TMEM209: variants seen among roughly 807,000 people sequenced by gnomAD.
The protein encoded by TMEM209 is transmembrane protein 209.
TMEM209 carries 65 observed loss-of-function variants against 76.2 expected under a neutral mutation model. The observed-to-expected ratio is 0.85, with a 90% CI of 0.70 to 1.05. TMEM209 has a LOEUF of 1.05. TMEM209 is among the 50% of genes least tolerant of loss of function. The pLI is 0.00. For synonymous variants in TMEM209, 239 were observed against 237.6 expected (o/e 1.01, Z -0.06); for missense variants, 623 against 685.5 (o/e 0.91, Z 1.02).
intron 10 of TMEM209, among the ~76,000 whole-genome samples, chr7:130,176,323 G>A (rs1403412010): frequency 5.3e-5 from 8 of 150,326 alleles, no homozygotes; most frequent in East Asian, 2.0e-4. Context: ...GGGTTTCACC[G>A]TGTTAGCCAG....
At chr7:130,168,599 A>G (rs1796951825) in intron 14 of TMEM209, among the ~76,000 whole-genome samples, 1 of 152,246 alleles carries the variant, frequency 6.6e-6, no homozygotes, top group Non-Finnish European at 1.5e-5. Flanking sequence ...GAGAATGTCC[A>G]AGATATGCCA....
chr7:130,180,528 T>C (rs2697011), intron 9 of TMEM209, among the ~76,000 whole-genome samples: 151,415 of 152,210 alleles, frequency 0.99, 75,315 homozygotes, highest in Middle Eastern at 1. Context: ...GCCACCATGC[T>C]CGGTTAATTT....
In TMEM209 at chr7:130,174,518, C is replaced by A. The variant is rs572292483; in HGVS notation, c.1345-579G>T. ...ATTCTTAGTTTTTTGCTAAGTGGAT[C>A]ATTCATACCAACACAGTTAATAGCA... On this transcript the variant is annotated intron_variant, in intron 11 of 14. Transcript: ENST00000397622. Among the ~76,000 whole-genome samples, 3 of 152,186 alleles carry A rather than the reference C, an allele frequency of 2.0e-5. No homozygotes were observed. In the East Asian group the frequency reaches 5.8e-4, roughly 29 times the overall value.
At chr7:130,168,262 T>A (rs914100299) in intron 14 of TMEM209, among the ~76,000 whole-genome samples, 5 of 152,204 alleles carry the variant, frequency 3.3e-5, no homozygotes, top group South Asian at 4.1e-4. Context: ...GTTAAGCACC[T>A]ATAATCTGAA....
chr7:130,204,508 AT>A (rs1798356253), intron 1 of TMEM209, among the ~76,000 whole-genome samples: 1 of 151,942 alleles, frequency 6.6e-6, no homozygotes. Context: ...CGTCCGACTG[AT>A]TTTTGTATTT....
chr7:130,192,180 T>C (rs964508328), intron 6 of TMEM209: 2 of 170,792 alleles, frequency 1.2e-5, no homozygotes, highest in Admixed American at 1.1e-4. Context: ...TTTCAGGAAA[T>C]ACTAAAACGC....
At chr7:130,173,455 T>A (rs918133070) in intron 13 of TMEM209, among the ~76,000 whole-genome samples, 177 bp downstream of exon 13, 1 of 152,244 alleles carries the variant, frequency 6.6e-6, no homozygotes, top group South Asian at 2.1e-4. Context: ...TTTTTCTTTA[T>A]ACTTTCCCCA....
intron 11 of TMEM209, 142 bp from the exon 12 acceptor site, chr7:130,174,081 A>G (rs1313890875): frequency 1.7e-6 from 1 of 586,270 alleles, no homozygotes. Flanking sequence ...ATGCTGTCAA[A>G]TGGTTAGATT....
chr7:130,205,268 C>G, intron 1 of TMEM209, 105 bp downstream of exon 1: 1 of 1,611,284 alleles, frequency 6.2e-7, no homozygotes, highest in African/African-American at 1.3e-5. Context: ...GAACGCCTAG[C>G]CACATCCCCC....
intron 3 of TMEM209, 100 bp from the exon 4 acceptor site, chr7:130,202,763 A>G (rs910987839): frequency 3.1e-6 from 4 of 1,288,124 alleles, no homozygotes; most frequent in African/African-American, 1.5e-5. Context: ...TTACCTTCTT[A>G]TTCCTCATAA....
chr7:130,170,614 G>GCGTAGGTACTTTGTT, intron 13 of TMEM209, 141 bp from the exon 14 acceptor site: 3 of 684,336 alleles, frequency 4.4e-6, no homozygotes, highest in Non-Finnish European at 7.2e-6. Context: ...ATTAAACAAA[G>GCGTAGGTACTTTGTT]TACCTACGCT....
Position 130,166,524 on chromosome 7 carries a change from T to G in TMEM209, c.1632-19A>C. ...AACTCTCCTATAAAGAGAAAAAAAA[T>G]TTTTATTAGAATTGGTTGCCAAGCA... is the stretch of plus-strand genomic sequence containing the variant. On this transcript the variant is annotated intron_variant, in intron 14 of 14. Transcript: ENST00000397622. 1 of 1,480,562 alleles carries G rather than the reference T, an allele frequency of 6.8e-7. No individual in the cohort carries two copies. Among genetic ancestry groups the G allele is most frequent in the Non-Finnish European group, 9.0e-7 (1 of 1,114,410 alleles). The allele number at this position is 1,480,562 out of a possible 1,614,324, so 91.7% of individuals were successfully genotyped here. A position where few individuals can be genotyped will look rare whatever the true frequency, so the allele number is the denominator to read the frequency against.
At chr7:130,181,386 T>C (rs184969678) in intron 9 of TMEM209, among the ~76,000 whole-genome samples, 36 of 152,342 alleles carry the variant, frequency 2.4e-4, no homozygotes, top group Admixed American at 5.2e-4. Flanking sequence ...AAACTGACTA[T>C]GGTGATGGTT....
At chr7:130,198,016 T>C (rs140660257) in intron 5 of TMEM209, among the ~76,000 whole-genome samples, 1 of 152,348 alleles carries the variant, frequency 6.6e-6, no homozygotes, top group African/African-American at 2.4e-5. Context: ...TATACAGCCA[T>C]CACAATCAAT....
At chr7:130,174,700 C>T (rs1443745716) in intron 11 of TMEM209, among the ~76,000 whole-genome samples, 1 of 152,164 alleles carries the variant, frequency 6.6e-6, no homozygotes, top group Non-Finnish European at 1.5e-5. Flanking sequence ...AAATGTAATT[C>T]TAGGAGTCTC....
At chr7:130,167,747 C>G (rs2116964600) in intron 14 of TMEM209, among the ~76,000 whole-genome samples, 1 of 152,136 alleles carries the variant, frequency 6.6e-6, no homozygotes, top group Middle Eastern at 3.4e-3. Context: ...TGCACAAATA[C>G]CTGACATTAA....
At chr7:130,171,325 A>T (rs1797060003) in intron 13 of TMEM209, among the ~76,000 whole-genome samples, 1 of 152,246 alleles carries the variant, frequency 6.6e-6, no homozygotes, top group African/African-American at 2.4e-5. Flanking sequence ...TAGCTCTAAA[A>T]TCAAACTATT....
intron 7 of TMEM209, among the ~76,000 whole-genome samples, chr7:130,184,649 T>C (rs541752551): frequency 3.3e-5 from 5 of 152,270 alleles, no homozygotes; most frequent in Non-Finnish European, 5.9e-5. Context: ...CACGCCACCA[T>C]GCTGGGCTAA....
chr7:130,174,811 A>G (rs538860510), intron 11 of TMEM209, among the ~76,000 whole-genome samples: 32 of 152,314 alleles, frequency 2.1e-4, no homozygotes, highest in Middle Eastern at 6.8e-3. Context: ...CTTCTCCACC[A>G]CAAGTGTCTC....
Sources: gnomAD v4.1 joint callset for allele counts (sites outside exome capture counted in the v4.1 genomes callset) on GRCh38, gnomAD v4.1.1 for gene constraint, MANE v1.5 for transcripts, NCBI Gene and HGNC (gene_info 2026-07-23, HGNC 2026-07-21) for gene names.